NEGR1: variants seen among roughly 807,000 people sequenced by gnomAD.
The protein encoded by NEGR1 is IgLON family member 4.
NEGR1 carries 10 observed loss-of-function variants against 40.9 expected under a neutral mutation model. The observed-to-expected ratio is 0.24, with a 90% CI of 0.15 to 0.42. The LOEUF is 0.42. Ranked by LOEUF, NEGR1 falls within the 10% of genes least tolerant of loss-of-function variation. The probability of loss-of-function intolerance (pLI) is 1.00; values close to 1 mark genes in which losing one functional copy is unlikely to be tolerated. For synonymous variants in NEGR1, 185 were observed against 166.8 expected (o/e 1.11, Z -0.84); for missense variants, 352 against 438.9 (o/e 0.80, Z 1.77).
intron 6 of NEGR1, among the ~76,000 whole-genome samples, chr1:71,434,015 C>A (rs1484103280): frequency 6.6e-6 from 1 of 152,126 alleles, no homozygotes; most frequent in East Asian, 1.9e-4. Flanking sequence ...GTTTCAATGG[C>A]TGGTCAAATT....
intron 1 of NEGR1, among the ~76,000 whole-genome samples, chr1:72,105,646 TCTTC>T (rs1649106815): frequency 6.6e-6 from 1 of 152,064 alleles, no homozygotes; most frequent in Non-Finnish European, 1.5e-5. Context: ...TTTGCTGAAG[TCTTC>T]CTTAGGATGT....
chr1:71,673,028 G>A (rs1288181595), intron 4 of NEGR1, among the ~76,000 whole-genome samples: 2 of 152,132 alleles, frequency 1.3e-5, no homozygotes, highest in Non-Finnish European at 2.9e-5. Flanking sequence ...GAGGTCAGGA[G>A]ATCGAGACGA....
intron 1 of NEGR1, among the ~76,000 whole-genome samples, chr1:71,959,273 T>C (rs1646144053): frequency 6.6e-6 from 1 of 152,140 alleles, no homozygotes. Flanking sequence ...CACCCACATC[T>C]AAAACCAAAT....
intron 6 of NEGR1, among the ~76,000 whole-genome samples, chr1:71,446,188 G>T (rs1050367801): frequency 1.2e-4 from 18 of 152,208 alleles, no homozygotes; most frequent in Middle Eastern, 3.4e-3. Flanking sequence ...TAGCCATGTT[G>T]CCTCATTTGA....
intron 2 of NEGR1, among the ~76,000 whole-genome samples, chr1:71,928,441 T>TATGTATATATACAC (rs1557439316): frequency 8.0e-4 from 97 of 121,010 alleles, no homozygotes; most frequent in East Asian, 2.5e-3. Flanking sequence ...TATATACACA[T>TATGTATATATACAC]ATATATGTAT....
chr1:71,690,117 C>G (rs1392119286), intron 4 of NEGR1, among the ~76,000 whole-genome samples: 2 of 152,148 alleles, frequency 1.3e-5, no homozygotes, highest in South Asian at 4.1e-4. Flanking sequence ...CCACTTCTCT[C>G]CCTTCACACA....
intron 6 of NEGR1, among the ~76,000 whole-genome samples, chr1:71,465,277 T>G (rs1314623253): frequency 6.6e-6 from 1 of 152,098 alleles, no homozygotes; most frequent in Non-Finnish European, 1.5e-5. Flanking sequence ...GCTGAAGATA[T>G]AGCAGTGAAT....
Position 72,270,785 on chromosome 1 carries a change from T to A in NEGR1, c.176+11534A>T, listed in dbSNP as rs150999912. ...AGTAAGTGAATCAAATCACCATCAG[T>A]CTGCTGAGCATAAAATTTGTGATTC... On this transcript the variant is annotated intron_variant, in intron 1 of 6. Coordinates refer to ENST00000357731, the MANE Select transcript of NEGR1 (RefSeq NM_173808.3). 1.8e-3 allele frequency among the ~76,000 whole-genome samples: 276 copies of A among 151,986 alleles called. 4 individuals are homozygous for A. The highest frequency in any genetic ancestry group is 6.2e-3 in the South Asian group (30 of 4,832).
chr1:72,070,859 A>T (rs1322207068), intron 1 of NEGR1, among the ~76,000 whole-genome samples: 1 of 152,098 alleles, frequency 6.6e-6, no homozygotes, highest in African/African-American at 2.4e-5. Context: ...TCAAAAATTA[A>T]GTTATATTGG....
intron 6 of NEGR1, among the ~76,000 whole-genome samples, chr1:71,581,087 A>C (rs1649120284): frequency 6.6e-6 from 1 of 152,208 alleles, no homozygotes; most frequent in African/African-American, 2.4e-5. Flanking sequence ...GTTTACTATT[A>C]TTTATAATCT....
intron 4 of NEGR1, among the ~76,000 whole-genome samples, chr1:71,643,500 T>A (rs911793001): frequency 6.6e-6 from 1 of 152,034 alleles, no homozygotes; most frequent in Non-Finnish European, 1.5e-5. Context: ...TAAATTTATC[T>A]GAAATACATA....
intron 3 of NEGR1, among the ~76,000 whole-genome samples, chr1:71,769,505 T>C (rs1288176059): frequency 6.6e-6 from 1 of 152,168 alleles, no homozygotes; most frequent in African/African-American, 2.4e-5. Context: ...AGGAGGTAAT[T>C]GAATGGTGAG....
At chr1:71,968,126 C>T (rs1646225370) in intron 1 of NEGR1, among the ~76,000 whole-genome samples, 1 of 152,104 alleles carries the variant, frequency 6.6e-6, no homozygotes, top group South Asian at 2.1e-4. Context: ...TCTCTAAAGT[C>T]TCTGGGACTT....
At chr1:71,990,768 T>C (rs528730728) in intron 1 of NEGR1, among the ~76,000 whole-genome samples, 1 of 152,198 alleles carries the variant, frequency 6.6e-6, no homozygotes, top group South Asian at 2.1e-4. Flanking sequence ...CTAATTTTCA[T>C]CAAAACTTTA....
intron 3 of NEGR1, among the ~76,000 whole-genome samples, chr1:71,707,149 C>T (rs1557621796): frequency 6.6e-6 from 1 of 152,026 alleles, no homozygotes; most frequent in African/African-American, 2.4e-5. Flanking sequence ...TTGTTTTGCA[C>T]TTTGGGTCCC....
intron 1 of NEGR1, among the ~76,000 whole-genome samples, chr1:72,223,132 C>A (rs1028473473): frequency 6.6e-6 from 1 of 151,922 alleles, no homozygotes; most frequent in African/African-American, 2.4e-5. Context: ...TAATTCTAGC[C>A]CCTAACCATC....
At chr1:72,230,019 T>C (rs1383871834) in intron 1 of NEGR1, among the ~76,000 whole-genome samples, 2 of 152,120 alleles carry the variant, frequency 1.3e-5, no homozygotes, top group Non-Finnish European at 2.9e-5. Flanking sequence ...AGTTCTCTGA[T>C]TGCACAGGAT....
chr1:71,738,510 G>A (rs1427641642), intron 3 of NEGR1, among the ~76,000 whole-genome samples: 1 of 152,154 alleles, frequency 6.6e-6, no homozygotes, highest in Non-Finnish European at 1.5e-5. Flanking sequence ...AGCAGCTGGG[G>A]ATGGGGATCA....
At chr1:72,046,565 A>G (rs1010262478) in intron 1 of NEGR1, among the ~76,000 whole-genome samples, 2 of 151,762 alleles carry the variant, frequency 1.3e-5, no homozygotes, top group Admixed American at 1.3e-4. Flanking sequence ...AGCAGGTACA[A>G]GATTCAACTT....
Sources: gnomAD v4.1 joint callset for allele counts (sites outside exome capture counted in the v4.1 genomes callset) on GRCh38, gnomAD v4.1.1 for gene constraint, MANE v1.5 for transcripts, NCBI Gene and HGNC (gene_info 2026-07-23, HGNC 2026-07-21) for gene names.